ZFP90: variants seen among roughly 807,000 people sequenced by gnomAD.
The protein encoded by ZFP90 is zinc finger protein 90 homolog.
ZFP90 carries 38 observed loss-of-function variants against 60.8 expected under a neutral mutation model. The ratio of observed to expected loss-of-function variants is 0.62; its 90% CI spans 0.48 to 0.82. The LOEUF (loss-of-function observed/expected upper bound fraction) is 0.82. ZFP90 is among the 40% of genes least tolerant of loss of function. The pLI is 0.00. For synonymous variants in ZFP90, 287 were observed against 264.8 expected (o/e 1.08, Z -0.82); for missense variants, 711 against 759.1 (o/e 0.94, Z 0.74).
chr16:68,567,460 T>C (rs1318807735), downstream of ZFP90, among the ~76,000 whole-genome samples: 3 of 152,168 alleles, frequency 2.0e-5, no homozygotes, highest in East Asian at 1.9e-4. Context: ...GGGGCAGGCA[T>C]GAGACCTAGT....
downstream of ZFP90, among the ~76,000 whole-genome samples, chr16:68,568,966 CTG>C (rs1276042234): frequency 6.6e-6 from 1 of 150,816 alleles, no homozygotes; most frequent in Non-Finnish European, 1.5e-5. Flanking sequence ...GTGTGAGCCA[CTG>C]TGCCCAGTCA....
rs1567411630 is a variant in ZFP90 at position 68,564,186 on chromosome 16, GACCAT to G, written c.1400_1404del (p.Asp467AlafsTer11). 6.2e-7 allele frequency: 1 copy of G among 1,614,066 alleles called. No individual in the cohort carries two copies. The highest frequency in any genetic ancestry group is 8.5e-7 in the Non-Finnish European group (1 of 1,180,026). ...CTTTAGTCACATTACAGACTTTACTGACCATCAGAGGATCCATACTGCAGAGAACC... is the reference window on the plus strand; with the variant it reads ...CTTTAGTCACATTACAGACTTTACTGCAGAGGATCCATACTGCAGAGAACC... On this transcript the variant is annotated frameshift_variant, in exon 5 of 5. Transcript: ENST00000563169. LOFTEE classifies it high-confidence loss of function.
At chr16:68,556,149 GA>G (rs1415670324) in intron 2 of ZFP90, among the ~76,000 whole-genome samples, 2 of 152,166 alleles carry the variant, frequency 1.3e-5, no homozygotes, top group African/African-American at 2.4e-5. Flanking sequence ...CAAGCTGGGT[GA>G]GAGAGTGAGA....
chr16:68,562,903 A>G (rs2091458579), intron 4 of ZFP90, 141 bp from the exon 5 acceptor site: 19 of 1,533,824 alleles, frequency 1.2e-5, no homozygotes, highest in Non-Finnish European at 1.5e-5. Context: ...CCTTTTCTCC[A>G]TTTTGGGTCG....
Position 68,566,832 on chromosome 16 carries a change from A to G in ZFP90, c.*2134A>G. 2.0e-6 allele frequency: 2 copies of G among 985,582 alleles called. No homozygotes were observed. Among genetic ancestry groups the G allele is most frequent in the Non-Finnish European group, 2.4e-6 (2 of 829,952 alleles). The allele number at this position is 985,582 out of a possible 1,614,324, so 61.1% of individuals were successfully genotyped here. On this transcript the variant is annotated 3_prime_UTR_variant, in exon 5 of 5. Coordinates refer to ENST00000563169, the MANE Select transcript of ZFP90 (RefSeq NM_001305203.2). ...TTCAGGAATGGCATGAATTGTAACC[A>G]ACTGAGTGCTGCCCCCACTGTTACG...
rs776453014 is a variant in ZFP90, at chr16:68,564,374, G to A, written c.1587G>A (p.Glu529=). 5.8e-5 allele frequency: 94 copies of A among 1,613,682 alleles called. No homozygotes were observed. In the South Asian group the frequency reaches 1.0e-3, roughly 18 times the overall value. ...HTGEKPYECN[E]CGEAFSRRSS... ...GAGAGAAACCCTATGAATGTAATGA[G>A]TGTGGAGAAGCCTTTAGTCGACGCT... is the stretch of plus-strand genomic sequence containing the variant. The change falls in exon 5 of 5, where the codon GAG becomes GAA. Residue 529 remains glutamate (E), a synonymous_variant. Coordinates refer to ENST00000563169, the MANE Select transcript of ZFP90 (RefSeq NM_001305203.2).
chr16:68,567,650 T>C (rs2091545675), downstream of ZFP90, among the ~76,000 whole-genome samples: 1 of 152,224 alleles, frequency 6.6e-6, no homozygotes, highest in Non-Finnish European at 1.5e-5. Flanking sequence ...CTTGTTTCTA[T>C]TTCCTGATGT....
At chr16:68,548,811 C>A (rs960897744) in intron 2 of ZFP90, among the ~76,000 whole-genome samples, 35 of 152,050 alleles carry the variant, frequency 2.3e-4, no homozygotes, top group Non-Finnish European at 5.9e-5. Flanking sequence ...TCTTTAAGTT[C>A]ATCTTTTAAA....
intron 2 of ZFP90, among the ~76,000 whole-genome samples, chr16:68,549,694 A>AAAAG (rs1409263870): frequency 1.3e-5 from 2 of 151,274 alleles, no homozygotes; most frequent in Non-Finnish European, 2.9e-5. Context: ...AAAAAAAAAA[A>AAAAG]AAAAGTCTTG....
At chr16:68,547,288 A>G (rs571867879) in intron 2 of ZFP90, among the ~76,000 whole-genome samples, 25 of 152,308 alleles carry the variant, frequency 1.6e-4, no homozygotes, top group Non-Finnish European at 3.1e-4. Context: ...TTTTATCTTG[A>G]TAGTAGCCAT....
chr16:68,539,222 G>C (rs2090988070), upstream of ZFP90: 1 of 152,640 alleles, frequency 6.6e-6, no homozygotes, highest in Non-Finnish European at 1.5e-5. Context: ...GCGGGCCTCT[G>C]GGAAGTGTAG....
Position 68,558,523 on chromosome 16 carries a change from G to A in ZFP90, c.211G>A (p.Glu71Lys), listed in dbSNP as rs755853814. The A allele has an allele frequency of 6.2e-7, 1 of 1,614,050 alleles. No homozygotes were observed. Among genetic ancestry groups the A allele is most frequent in the Non-Finnish European group, 8.5e-7 (1 of 1,180,006 alleles). ...EVIFKLEQGEEPWISEGEIQR... is the reference protein window; with the variant it reads ...EVIFKLEQGEKPWISEGEIQR... ...GATCTTCAAATTGGAGCAAGGAGAAGAGCCATGGATATCAGAGGGAGAAAT... is the reference window on the plus strand; with the variant it reads ...GATCTTCAAATTGGAGCAAGGAGAAAAGCCATGGATATCAGAGGGAGAAAT... The change falls in exon 4 of 5, where the codon GAG becomes AAG. Residue 71 changes from glutamate to lysine, a missense_variant. Glu to Lys is a moderately conservative substitution (Grantham distance 56). Transcript: ENST00000563169.
At chr16:68,557,653 A>G (rs2091367317) in intron 2 of ZFP90, among the ~76,000 whole-genome samples, 2 of 151,626 alleles carry the variant, frequency 1.3e-5, no homozygotes, top group African/African-American at 4.9e-5. Context: ...AAAGAAGGTC[A>G]TCACTTTTTA....
intron 2 of ZFP90, among the ~76,000 whole-genome samples, chr16:68,540,454 A>G (rs2091021352): frequency 6.6e-6 from 1 of 152,188 alleles, no homozygotes; most frequent in Admixed American, 6.5e-5. Flanking sequence ...TCCAGCCTTC[A>G]CCTTAATGTG....
chr16:68,575,555 AG>A (rs1342128437), intron 2 of ZFP90, among the ~76,000 whole-genome samples: 4 of 148,238 alleles, frequency 2.7e-5, no homozygotes, highest in East Asian at 3.9e-4. Flanking sequence ...AAAAAAAAAA[AG>A]GCTAAAACAA....
chr16:68,559,352 C>T (rs2091398537), intron 4 of ZFP90, among the ~76,000 whole-genome samples: 1 of 152,080 alleles, frequency 6.6e-6, no homozygotes, highest in African/African-American at 2.4e-5. Context: ...CCTTTCATCC[C>T]CCACCAGTAT....
At chr16:68,559,998 T>C (rs2091412728) in intron 4 of ZFP90, among the ~76,000 whole-genome samples, 3 of 152,132 alleles carry the variant, frequency 2.0e-5, no homozygotes. Flanking sequence ...CTTCCCAAAG[T>C]GTTGGGATTA....
chr16:68,576,272 A>G (rs1391864848), downstream of ZFP90, among the ~76,000 whole-genome samples: 1 of 152,186 alleles, frequency 6.6e-6, no homozygotes, highest in Admixed American at 6.5e-5. Flanking sequence ...CACAAGACTT[A>G]TCTTTATTTG....
chr16:68,551,839 AGCTCC>A (rs773645871), intron 2 of ZFP90, among the ~76,000 whole-genome samples: 22 of 152,028 alleles, frequency 1.4e-4, no homozygotes, highest in Non-Finnish European at 3.2e-4. Flanking sequence ...GCTCACTGCA[AGCTCC>A]GCCTCCCAGG....
Sources: allele counts gnomAD v4.1 joint callset (sites outside exome capture counted in the v4.1 genomes callset), GRCh38; gene constraint gnomAD v4.1.1; transcripts MANE v1.5; gene names NCBI Gene and HGNC (gene_info 2026-07-23, HGNC 2026-07-21).